The following GATAD1 variants were observed in gnomAD, a reference collection of about 807,000 sequenced individuals.
GATAD1 encodes GATA zinc finger domain containing 1, also known as GATA zinc finger domain-containing protein 1.
In GATAD1, 12 loss-of-function variants were observed where a neutral mutation model predicts 26.5. That is an observed-to-expected ratio of 0.45 (90% CI 0.29 to 0.73). GATAD1 has a LOEUF of 0.73. Ranked by LOEUF, GATAD1 falls within the 30% of genes least tolerant of loss-of-function variation. GATAD1 has a pLI of 0.10. For synonymous variants in GATAD1, 129 were observed against 133.1 expected, an observed-to-expected ratio of 0.97 and a Z score of 0.21; for missense variants, 266 against 342.1, an observed-to-expected ratio of 0.78 and a Z score of 1.75.
the GATAD1 span, among the ~76,000 whole-genome samples, chr7:92,486,482 G>T: frequency 6.6e-6 from 1 of 152,284 alleles, no homozygotes; most frequent in Non-Finnish European, 1.5e-5. Flanking sequence ...AAAGAACTGA[G>T]AAACAAAGTG....
chr7:92,494,782 TG>T, the GATAD1 span, among the ~76,000 whole-genome samples: 3 of 151,248 alleles, frequency 2.0e-5, no homozygotes, highest in African/African-American at 7.3e-5. Flanking sequence ...GAAGGCAAGT[TG>T]TATGTAATTA....
intron 3 of GATAD1, 109 bp downstream of exon 3, chr7:92,450,869 G>A: frequency 6.0e-6 from 4 of 665,316 alleles, no homozygotes; most frequent in Middle Eastern, 5.0e-4. Context: ...TGTATAAGGT[G>A]TGATTATACT....
chr7:92,474,605 T>C, the GATAD1 span: 4 of 152,212 alleles, frequency 2.6e-5, no homozygotes, highest in African/African-American at 9.7e-5. Context: ...TCTGTTGTCA[T>C]CCTATCATTG....
the GATAD1 span, among the ~76,000 whole-genome samples, chr7:92,488,710 A>C: frequency 2.6e-5 from 4 of 150,998 alleles, no homozygotes; most frequent in African/African-American, 2.4e-5. Flanking sequence ...TTTCCTTCTT[A>C]TTTCTTCGAA....
chr7:92,454,372 C>G (rs980526092), intron 3 of GATAD1, 130 bp from the exon 4 acceptor site: 1 of 707,594 alleles, frequency 1.4e-6, no homozygotes, highest in African/African-American at 1.8e-5. Flanking sequence ...CATATAAACA[C>G]TGATACATTA....
At chr7:92,470,249 C>T in the GATAD1 span, 13 of 778,662 alleles carry the variant, frequency 1.7e-5, no homozygotes, top group Middle Eastern at 3.6e-4. Flanking sequence ...TCAATATTTC[C>T]GGGACGCTGC....
At chr7:92,470,481 A>T in the GATAD1 span, 1 of 598,734 alleles carries the variant, frequency 1.7e-6, no homozygotes, top group Non-Finnish European at 3.0e-6. Context: ...TGTCTCCTGG[A>T]TTTTCAGGTT....
chr7:92,459,931 A>G lies in GATAD1; in HGVS notation c.*3369A>G, dbSNP rs1789856540. 6.6e-6 allele frequency among the ~76,000 whole-genome samples: 1 copy of G among 152,246 alleles called. No homozygotes were observed. Among genetic ancestry groups the G allele is most frequent in the South Asian group, 2.1e-4 (1 of 4,834 alleles). ...CTGAAACTTTTAAATTCTATTGTGA[A>G]TAGTCAAGTAAAATTTAGATTGTTA... On this transcript the variant is annotated 3_prime_UTR_variant, in exon 5 of 5. Transcript: ENST00000287957.
rs1789243597 is a variant in GATAD1 at position 92,448,105 on chromosome 7, C to A, written c.249+127C>A. 4 of 556,356 alleles carry A rather than the reference C, an allele frequency of 7.2e-6. No homozygotes were observed. The African/African-American group carries it at 7.9e-5, about 11-fold the overall frequency. The allele number at this position is 556,356 out of a possible 1,614,324, so 34.5% of individuals were successfully genotyped here. ...CGTGCTCCTGCTGGCTGGAACGCCC[C>A]TCCCCACCTCCTACTGAGATCTTTC... On this transcript the variant is annotated intron_variant, in intron 1 of 4. Coordinates refer to ENST00000287957, the MANE Select transcript of GATAD1 (RefSeq NM_021167.5).
At chr7:92,487,473 T>C in the GATAD1 span, 1 of 1,584,148 alleles carries the variant, frequency 6.3e-7, no homozygotes, top group Non-Finnish European at 8.6e-7. Flanking sequence ...TAAAGTTACT[T>C]TCTGTCCAGG....
At chr7:92,487,505 AT>A in the GATAD1 span, 1 of 1,594,678 alleles carries the variant, frequency 6.3e-7, no homozygotes, top group East Asian at 2.2e-5. Context: ...TTCCACTTTG[AT>A]TTTTTCTCCT....
chr7:92,473,730 G>T, the GATAD1 span, among the ~76,000 whole-genome samples: 1 of 152,042 alleles, frequency 6.6e-6, no homozygotes, highest in African/African-American at 2.4e-5. Context: ...CTCAGATAGT[G>T]ACAGATCTGG....
chr7:92,477,056 A>G, the GATAD1 span, among the ~76,000 whole-genome samples: 4 of 152,188 alleles, frequency 2.6e-5, no homozygotes, highest in Non-Finnish European at 4.4e-5. Context: ...GGGTGCATGC[A>G]TGGGCGACTG....
the GATAD1 span, among the ~76,000 whole-genome samples, chr7:92,465,618 C>CA: frequency 4.3e-4 from 59 of 136,206 alleles, no homozygotes; most frequent in East Asian, 6.2e-4. Flanking sequence ...AACTCCATCT[C>CA]AAAAAAAAAA....
chr7:92,468,849 A>G, the GATAD1 span: 5 of 764,394 alleles, frequency 6.5e-6, no homozygotes, highest in Non-Finnish European at 1.2e-5. Flanking sequence ...TGTCATTAAC[A>G]TCAGATCGTG....
At chr7:92,490,179 A>G in the GATAD1 span, 1 of 471,816 alleles carries the variant, frequency 2.1e-6, no homozygotes, top group Non-Finnish European at 3.8e-6. Context: ...AATCCAACAC[A>G]CTAATGCCCA....
the GATAD1 span, chr7:92,468,881 G>C: frequency 1.3e-6 from 1 of 764,364 alleles, no homozygotes; most frequent in South Asian, 1.3e-5. Context: ...CGGTCCAGGG[G>C]TCTGCGGTAG....
At chr7:92,483,088 G>C in the GATAD1 span, among the ~76,000 whole-genome samples, 1 of 152,244 alleles carries the variant, frequency 6.6e-6, no homozygotes, top group Non-Finnish European at 1.5e-5. Flanking sequence ...GAAGGAGTCA[G>C]TCAGAGAGCC....
At chr7:92,469,942 T>C in the GATAD1 span, 10 of 777,956 alleles carry the variant, frequency 1.3e-5, no homozygotes, top group Non-Finnish European at 2.4e-5. Flanking sequence ...ATCTAGTCCT[T>C]TGTAGGGGCT....
Sources: allele counts gnomAD v4.1 joint callset (sites outside exome capture counted in the v4.1 genomes callset), GRCh38; gene constraint gnomAD v4.1.1; transcripts MANE v1.5; gene names NCBI Gene and HGNC (gene_info 2026-07-23, HGNC 2026-07-21).